The following UVRAG variants were observed in gnomAD, a reference collection of about 807,000 sequenced individuals.
UVRAG encodes the protein UV radiation resistance associated.
A neutral mutation model predicts 78.0 loss-of-function variants in UVRAG; 19 were observed. The ratio of observed to expected loss-of-function variants is 0.24; its 90% CI spans 0.17 to 0.36. The LOEUF (loss-of-function observed/expected upper bound fraction) is 0.36, where lower values mean the gene tolerates loss of function less well. Among genes scored for constraint, UVRAG ranks in the 10% least tolerant of loss-of-function variants. The pLI is 1.00. For missense variants in UVRAG, 740 were observed against 853.8 expected, an observed-to-expected ratio of 0.87 and a Z score of 1.66; for synonymous variants, 323 against 324.6, an observed-to-expected ratio of 1.00 and a Z score of 0.05.
At position 76,029,979 on chromosome 11, in the gene UVRAG, C is replaced by T. The variant is rs370967436; in HGVS notation, c.1226+12999C>T. On this transcript the variant is annotated intron_variant, in intron 12 of 14. Coordinates refer to ENST00000356136, the MANE Select transcript of UVRAG (RefSeq NM_003369.4). ...CTCCACCAGCAAAAACATTATGACT[C>T]TCTGAAGGCTCAGATGATCATTAGC... Among the ~76,000 whole-genome samples the T allele has an allele frequency of 2.3e-4, 35 of 152,342 alleles. No individual in the cohort carries two copies. The East Asian group carries it at 2.5e-3, about 11-fold the overall frequency.
intron 12 of UVRAG, among the ~76,000 whole-genome samples, chr11:76,040,061 T>C: frequency 6.6e-6 from 1 of 152,324 alleles, no homozygotes; most frequent in East Asian, 1.9e-4. Context: ...TATATATATT[T>C]TTAAGTTGTT....
At chr11:76,113,151 C>T (rs978660435) in intron 13 of UVRAG, among the ~76,000 whole-genome samples, 4 of 152,138 alleles carry the variant, frequency 2.6e-5, no homozygotes, top group African/African-American at 9.7e-5. Flanking sequence ...CATTACATGG[C>T]TCAGCAGTGA....
At chr11:75,827,586 G>A (rs990556468) in intron 1 of UVRAG, among the ~76,000 whole-genome samples, 1 of 151,982 alleles carries the variant, frequency 6.6e-6, no homozygotes, top group Non-Finnish European at 1.5e-5. Flanking sequence ...ACTCCAGCCT[G>A]GGCGACAAGA....
intron 4 of UVRAG, among the ~76,000 whole-genome samples, chr11:75,884,740 T>A (rs1947039170): frequency 6.6e-6 from 1 of 152,186 alleles, no homozygotes; most frequent in Non-Finnish European, 1.5e-5. Context: ...TTCTGTTTCA[T>A]TGATCTGTAT....
intron 12 of UVRAG, among the ~76,000 whole-genome samples, chr11:76,032,301 T>G (rs1950450852): frequency 6.6e-6 from 1 of 152,204 alleles, no homozygotes; most frequent in African/African-American, 2.4e-5. Context: ...CTACCATATT[T>G]TTATACCTCT....
At chr11:75,973,527 A>G (rs146729118) in intron 7 of UVRAG, among the ~76,000 whole-genome samples, 60 of 152,150 alleles carry the variant, frequency 3.9e-4, no homozygotes, top group African/African-American at 1.4e-3. Context: ...ATCAACTTCT[A>G]ATTTCTGGAA....
At chr11:76,014,209 A>G (rs1039311157) in intron 11 of UVRAG, among the ~76,000 whole-genome samples, 1 of 152,244 alleles carries the variant, frequency 6.6e-6, no homozygotes, top group Non-Finnish European at 1.5e-5. Context: ...TACAAATATA[A>G]TTCTTTAGCA....
In UVRAG at chr11:75,815,314, T is replaced by C; in HGVS notation, c.-94T>C. The C allele has an allele frequency of 1.5e-6, 1 of 657,720 alleles. No homozygotes were observed. The highest frequency in any genetic ancestry group is 2.2e-6 in the Non-Finnish European group (1 of 456,494). The allele number at this position is 657,720 out of a possible 1,614,324, so 40.7% of individuals were successfully genotyped here. A position where few individuals can be genotyped will look rare whatever the true frequency, so the allele number is the denominator to read the frequency against. ...AGTAGTGCCTCTCGGGTGGCGGGTTTCTAGGCTGCAGGGGCTTGGTAGGTG... is the reference window on the plus strand; with the variant it reads ...AGTAGTGCCTCTCGGGTGGCGGGTTCCTAGGCTGCAGGGGCTTGGTAGGTG... On this transcript the variant is annotated 5_prime_UTR_variant, in exon 1 of 15. Coordinates refer to ENST00000356136, the MANE Select transcript of UVRAG (RefSeq NM_003369.4).
chr11:75,878,914 GGAGGGA>G (rs71871732), intron 3 of UVRAG, among the ~76,000 whole-genome samples: 29,207 of 141,552 alleles, frequency 0.21, 3,518 homozygotes, highest in Non-Finnish European at 0.27. Context: ...AGGGGGAGGG[GGAGGGA>G]GAGGGAGAGG....
chr11:76,055,252 T>C (rs1171905900), intron 12 of UVRAG, among the ~76,000 whole-genome samples: 2 of 152,142 alleles, frequency 1.3e-5, no homozygotes, highest in Non-Finnish European at 2.9e-5. Context: ...TTTGCCATAC[T>C]ACCCAAGCTG....
At chr11:76,123,983 C>G (rs968693681) in intron 14 of UVRAG, among the ~76,000 whole-genome samples, 1 of 152,042 alleles carries the variant, frequency 6.6e-6, no homozygotes, top group South Asian at 2.1e-4. Context: ...CCAGGCTGGT[C>G]TCGAACTCCT....
At chr11:76,045,080 A>G (rs930834286) in intron 12 of UVRAG, among the ~76,000 whole-genome samples, 11 of 152,156 alleles carry the variant, frequency 7.2e-5, no homozygotes, top group African/African-American at 1.7e-4. Flanking sequence ...TACCCTGACA[A>G]CCTCTCTCAG....
At chr11:75,954,255 A>G (rs1948754825) in intron 6 of UVRAG, among the ~76,000 whole-genome samples, 2 of 152,222 alleles carry the variant, frequency 1.3e-5, no homozygotes, top group African/African-American at 4.8e-5. Context: ...AAGATCAGAA[A>G]GCGTCTGGGG....
rs56767004 is a variant in UVRAG at position 76,065,439 on chromosome 11, GCCT to G, written c.1227-269_1227-267del. On this transcript the variant is annotated intron_variant, in intron 12 of 14. Transcript: ENST00000356136. ...TATGATATGTAAATAGGAACCAGTG[GCCT>G]CAACTCCTTGGGGTGGGTTGGTCAC... 5.4e-3 allele frequency among the ~76,000 whole-genome samples: 824 copies of G among 152,290 alleles called. 9 individuals carry two copies. Among genetic ancestry groups the G allele is most frequent in the African/African-American group, 0.019 (770 of 41,536 alleles).
chr11:76,009,664 G>C (rs569455264), intron 11 of UVRAG, among the ~76,000 whole-genome samples: 4 of 152,254 alleles, frequency 2.6e-5, no homozygotes, highest in African/African-American at 9.6e-5. Context: ...GTTGTTATTG[G>C]TGATCATTTA....
intron 1 of UVRAG, among the ~76,000 whole-genome samples, chr11:75,824,726 T>A (rs1000444704): frequency 7.2e-6 from 1 of 139,282 alleles, no homozygotes; most frequent in Non-Finnish European, 1.5e-5. Flanking sequence ...CAGGCTGGAG[T>A]GCAGTGGCAC....
intron 1 of UVRAG, among the ~76,000 whole-genome samples, chr11:75,844,460 C>T (rs773306080): frequency 5.3e-5 from 8 of 151,912 alleles, no homozygotes; most frequent in Non-Finnish European, 7.4e-5. Flanking sequence ...CTCCTGACCT[C>T]GTGATCTGCC....
At chr11:76,139,758 T>C (rs1039722736) in intron 14 of UVRAG, among the ~76,000 whole-genome samples, 4 of 152,198 alleles carry the variant, frequency 2.6e-5, no homozygotes, top group Non-Finnish European at 4.4e-5. Flanking sequence ...TTTCAGACTT[T>C]ACCCTGCTTT....
chr11:75,833,613 T>C (rs10899139), intron 1 of UVRAG, among the ~76,000 whole-genome samples: 31,484 of 152,130 alleles, frequency 0.21, 5,307 homozygotes, highest in African/African-American at 0.47. Context: ...GGTGTGGAGC[T>C]GGAAATCAGG....
Sources: gnomAD v4.1 joint callset for allele counts (sites outside exome capture counted in the v4.1 genomes callset) on GRCh38, gnomAD v4.1.1 for gene constraint, MANE v1.5 for transcripts, NCBI Gene and HGNC (gene_info 2026-07-23, HGNC 2026-07-21) for gene names.